Variants in KCNIP4 observed in about 807,000 individuals in gnomAD.
The protein encoded by KCNIP4 is potassium voltage-gated channel interacting protein 4, also known as Kv channel-interacting protein 4.
Under a neutral mutation model 34.0 loss-of-function variants are expected in KCNIP4, and 12 were observed. The ratio of observed to expected loss-of-function variants is 0.35; its 90% CI spans 0.23 to 0.57. The LOEUF is 0.57. Among genes scored for constraint, KCNIP4 ranks in the 20% least tolerant of loss-of-function variants. The pLI is 0.83. For synonymous variants in KCNIP4, 124 were observed against 102.2 expected, an observed-to-expected ratio of 1.21 and a Z score of -1.29; for missense variants, 238 against 311.7, an observed-to-expected ratio of 0.76 and a Z score of 1.78.
chr4:21,082,685 A>T (rs537394735), intron 1 of KCNIP4, among the ~76,000 whole-genome samples: 1 of 151,944 alleles, frequency 6.6e-6, no homozygotes, highest in South Asian at 2.1e-4. Flanking sequence ...AATGATGAGA[A>T]ATGAGATAAG....
chr4:21,865,943 T>C (rs1725389065), intron 1 of KCNIP4, among the ~76,000 whole-genome samples: 1 of 147,452 alleles, frequency 6.8e-6, no homozygotes, highest in Non-Finnish European at 1.5e-5. Context: ...ATATATATGG[T>C]GGCAAATGTA....
intron 1 of KCNIP4, among the ~76,000 whole-genome samples, chr4:21,184,552 G>A (rs35025553): frequency 0.018 from 2,685 of 152,220 alleles, 89 homozygotes; most frequent in African/African-American, 0.061. Flanking sequence ...GGGGTTGTTA[G>A]CACAATTAGC....
chr4:21,522,995 A>G (rs1735669773), intron 1 of KCNIP4, among the ~76,000 whole-genome samples: 1 of 151,838 alleles, frequency 6.6e-6, no homozygotes, highest in African/African-American at 2.4e-5. Flanking sequence ...TGACTAGATA[A>G]TGAAGACGGA....
chr4:21,722,525 C>T (rs967606332), intron 1 of KCNIP4, among the ~76,000 whole-genome samples: 1 of 152,022 alleles, frequency 6.6e-6, no homozygotes, highest in Non-Finnish European at 1.5e-5. Context: ...AAGAAAAATG[C>T]TCCCTTTTCC....
At chr4:21,211,967 C>T (rs368684963) in intron 1 of KCNIP4, among the ~76,000 whole-genome samples, 3 of 152,090 alleles carry the variant, frequency 2.0e-5, no homozygotes, top group South Asian at 2.1e-4. Context: ...GAGGAGCCAA[C>T]CCCCTTGATA....
intron 1 of KCNIP4, among the ~76,000 whole-genome samples, chr4:21,682,893 C>T (rs1351002996): frequency 6.6e-6 from 1 of 152,060 alleles, no homozygotes; most frequent in African/African-American, 2.4e-5. Flanking sequence ...ATAGTAACCT[C>T]AAAGATCATC....
At chr4:21,604,902 G>T (rs1434490254) in intron 1 of KCNIP4, among the ~76,000 whole-genome samples, 1 of 152,128 alleles carries the variant, frequency 6.6e-6, no homozygotes, top group East Asian at 1.9e-4. Context: ...GCCTCCAAGA[G>T]GTCAGATTAC....
At chr4:21,544,765 A>C (rs1164481327) in intron 1 of KCNIP4, 1 of 152,168 alleles carries the variant, frequency 6.6e-6, no homozygotes, top group Non-Finnish European at 1.5e-5. Context: ...ATGTGTAATC[A>C]AGAATCATAA....
chr4:21,365,012 A>G (rs966648145), intron 1 of KCNIP4, among the ~76,000 whole-genome samples: 2 of 152,212 alleles, frequency 1.3e-5, no homozygotes. Context: ...GATGGAATGG[A>G]AAACTGGAAA....
At chr4:21,614,811 C>G (rs750056901) in intron 1 of KCNIP4, among the ~76,000 whole-genome samples, 9 of 152,028 alleles carry the variant, frequency 5.9e-5, no homozygotes, top group Non-Finnish European at 1.2e-4. Flanking sequence ...TTTAGGACAC[C>G]TATGGGCATA....
chr4:20,801,005 A>G (rs554665755), intron 3 of KCNIP4, among the ~76,000 whole-genome samples: 14 of 152,176 alleles, frequency 9.2e-5, no homozygotes, highest in Non-Finnish European at 1.9e-4. Flanking sequence ...GTCAAAACTT[A>G]AAGACAAAGA....
At chr4:21,250,050 G>A (rs1402009424) in intron 1 of KCNIP4, among the ~76,000 whole-genome samples, 1 of 151,644 alleles carries the variant, frequency 6.6e-6, no homozygotes, top group South Asian at 2.1e-4. Flanking sequence ...TCTTATCCAA[G>A]CAATACATTT....
chr4:21,635,596 C>T (rs930594889), intron 1 of KCNIP4, among the ~76,000 whole-genome samples: 7 of 152,060 alleles, frequency 4.6e-5, no homozygotes, highest in Non-Finnish European at 8.8e-5. Flanking sequence ...GAGATACCAC[C>T]TCACACCAGT....
chr4:21,294,389 AT>A (rs376999312), intron 1 of KCNIP4, among the ~76,000 whole-genome samples: 3 of 152,274 alleles, frequency 2.0e-5, no homozygotes, highest in African/African-American at 7.2e-5. Context: ...GTGTCATCGC[AT>A]TTTGGCATAC....
At chr4:21,339,363 G>T (rs987320760) in intron 1 of KCNIP4, among the ~76,000 whole-genome samples, 1 of 152,198 alleles carries the variant, frequency 6.6e-6, no homozygotes, top group Non-Finnish European at 1.5e-5. Flanking sequence ...CAGGTGGAAT[G>T]ATACAGTTTA....
At chr4:20,890,937 C>T (rs987684420) in intron 1 of KCNIP4, among the ~76,000 whole-genome samples, 2 of 152,126 alleles carry the variant, frequency 1.3e-5, no homozygotes, top group African/African-American at 4.8e-5. Context: ...TCTCCACTGG[C>T]TGCTTTTTGT....
intron 1 of KCNIP4, among the ~76,000 whole-genome samples, chr4:21,608,056 T>A (rs1376387607): frequency 2.0e-5 from 3 of 152,096 alleles, no homozygotes; most frequent in Admixed American, 6.5e-5. Context: ...CTTTTACTCA[T>A]GGTGCTTTTC....
intron 2 of KCNIP4, among the ~76,000 whole-genome samples, chr4:20,878,062 C>T (rs566698807): frequency 1.2e-4 from 18 of 152,086 alleles, no homozygotes; most frequent in Admixed American, 7.9e-4. Flanking sequence ...CAGAGGTCAT[C>T]AGTGGAGCTC....
chr4:21,234,043 A>G (rs1047446611), intron 1 of KCNIP4, among the ~76,000 whole-genome samples: 7 of 118,140 alleles, frequency 5.9e-5, no homozygotes, highest in African/African-American at 2.8e-4. Context: ...CATATATAAC[A>G]TATATAACAC....
Sources: gnomAD v4.1 joint callset for allele counts (sites outside exome capture counted in the v4.1 genomes callset) on GRCh38, gnomAD v4.1.1 for gene constraint, MANE v1.5 for transcripts, NCBI Gene and HGNC (gene_info 2026-07-23, HGNC 2026-07-21) for gene names.